The following MED13L variants were observed in gnomAD, a reference collection of about 807,000 sequenced individuals.
MED13L encodes the protein mediator complex subunit 13L.
Under a neutral mutation model 220.9 loss-of-function variants are expected in MED13L, and 7 were observed. The ratio of observed to expected loss-of-function variants is 0.03; its 90% CI spans 0.02 to 0.06. MED13L has a LOEUF of 0.06. Among genes scored for constraint, MED13L ranks in the 10% least tolerant of loss-of-function variants. MED13L has a pLI of 1.00. For synonymous variants in MED13L, 1,011 were observed against 1,015.2 expected, an observed-to-expected ratio of 1.00 and a Z score of 0.08; for missense variants, 1,965 against 2,760.5, an observed-to-expected ratio of 0.71 and a Z score of 6.46.
Position 116,066,757 on chromosome 12 carries a change from A to T in MED13L, c.479+29912T>A, listed in dbSNP as rs575887988. Among the ~76,000 whole-genome samples the T allele has an allele frequency of 5.3e-5, 8 of 151,630 alleles. No individual in the cohort carries two copies. The South Asian group carries it at 1.0e-3, about 20-fold the overall frequency. ...GTGAATTTTCAACTTTCAAAATTGT[A>T]TTAAAAAAAAAAAAAACTCTAGAGC... On this transcript the variant is annotated intron_variant, in intron 4 of 30. Transcript: ENST00000281928.
At chr12:116,227,429 T>C (rs1593185736) in intron 2 of MED13L, among the ~76,000 whole-genome samples, 1 of 152,238 alleles carries the variant, frequency 6.6e-6, no homozygotes, top group South Asian at 2.1e-4. Context: ...GTAGCAACCC[T>C]GTGTCGAGCA....
At chr12:116,256,256 T>C (rs1447265261) in intron 1 of MED13L, among the ~76,000 whole-genome samples, 7 of 151,108 alleles carry the variant, frequency 4.6e-5, no homozygotes, top group Non-Finnish European at 8.8e-5. Flanking sequence ...CAACAGCAAA[T>C]TGTGGCATAT....
intron 2 of MED13L, among the ~76,000 whole-genome samples, chr12:116,214,532 C>T (rs1882886905): frequency 6.6e-6 from 1 of 152,096 alleles, no homozygotes; most frequent in Non-Finnish European, 1.5e-5. Context: ...AATTTTAATA[C>T]TATATTTATA....
At position 115,961,362 on chromosome 12, in the gene MED13L, G is replaced by A; in HGVS notation, c.6537C>T (p.Leu2179=). ...GGTCCTGGGTGGCCGGATTGCACGT[G>A]AGCCAGGACAGAGCGTTGTACTGCT... The part of the protein sequence containing the change: ...VLEQYNALSW[L]TCNPATQDRT... Residue 2179 remains leucine (L), a synonymous_variant, in exon 31 of 31, where the codon CTC becomes CTT. Coordinates refer to ENST00000281928, the MANE Select transcript of MED13L (RefSeq NM_015335.5). 1 of 1,614,070 alleles carries A rather than the reference G, an allele frequency of 6.2e-7. No individual in the cohort carries two copies. The highest frequency in any genetic ancestry group is 2.2e-5 in the East Asian group (1 of 44,876).
At chr12:116,036,978 A>G (rs916006394) in intron 4 of MED13L, among the ~76,000 whole-genome samples, 7 of 152,184 alleles carry the variant, frequency 4.6e-5, no homozygotes, top group African/African-American at 9.7e-5. Flanking sequence ...TCTTTCAACT[A>G]TAAGTTAAAC....
chr12:116,116,861 G>A (rs575463536), intron 2 of MED13L, among the ~76,000 whole-genome samples: 57 of 150,618 alleles, frequency 3.8e-4, no homozygotes, highest in African/African-American at 1.3e-3. Context: ...TGTGTTGTGA[G>A]AGTACATGAG....
rs550904010 is a variant in MED13L at position 116,089,856 on chromosome 12, A to AT, written c.479+6812dup. ...TGGAAACAACCTTCCAGGCATATTCATTTTTACACTTTCTCTAAATTCTAA... is the reference window on the plus strand; with the variant it reads ...TGGAAACAACCTTCCAGGCATATTCATTTTTTACACTTTCTCTAAATTCTAA... On this transcript the variant is annotated intron_variant, in intron 4 of 30. Transcript: ENST00000281928. 3.3e-4 allele frequency among the ~76,000 whole-genome samples: 50 copies of AT among 152,342 alleles called. No homozygotes were observed. The East Asian group carries it at 4.6e-3, about 14-fold the overall frequency.
chr12:116,190,161 A>G (rs1018821273), intron 2 of MED13L, among the ~76,000 whole-genome samples: 1 of 152,162 alleles, frequency 6.6e-6, no homozygotes. Flanking sequence ...TCAGTTTTTC[A>G]CCATTAAGAA....
At chr12:116,271,143 A>T (rs565962600) in intron 1 of MED13L, among the ~76,000 whole-genome samples, 1 of 151,858 alleles carries the variant, frequency 6.6e-6, no homozygotes, top group African/African-American at 2.4e-5. Context: ...AAATTCCAAG[A>T]ACACATACAA....
At chr12:116,138,385 G>A (rs1488956404) in intron 2 of MED13L, among the ~76,000 whole-genome samples, 1 of 152,204 alleles carries the variant, frequency 6.6e-6, no homozygotes, top group African/African-American at 2.4e-5. Context: ...GGGAAGGGTG[G>A]TAACAACATT....
chr12:115,975,007 A>G (rs1416660546), intron 25 of MED13L, among the ~76,000 whole-genome samples, 164 bp downstream of exon 25: 1 of 152,226 alleles, frequency 6.6e-6, no homozygotes, highest in Non-Finnish European at 1.5e-5. Flanking sequence ...TTTGTTGCCA[A>G]AGAAGAGTTT....
intron 2 of MED13L, among the ~76,000 whole-genome samples, chr12:116,175,812 C>A (rs1328753569): frequency 6.6e-6 from 1 of 152,030 alleles, no homozygotes. Flanking sequence ...AGAAATGATG[C>A]CGTTAAACCT....
chr12:116,259,609 C>T (rs937732904), intron 1 of MED13L, among the ~76,000 whole-genome samples: 1 of 152,116 alleles, frequency 6.6e-6, no homozygotes, highest in African/African-American at 2.4e-5. Flanking sequence ...TCTTAAACTG[C>T]GTATTAGGTA....
chr12:116,196,506 T>C (rs1443823079), intron 2 of MED13L, among the ~76,000 whole-genome samples: 1 of 152,084 alleles, frequency 6.6e-6, no homozygotes, highest in Non-Finnish European at 1.5e-5. Context: ...TCCAAAACGG[T>C]GGCAATAAAA....
intron 2 of MED13L, chr12:116,230,429 T>A (rs1317051056): frequency 1.0e-6 from 1 of 958,920 alleles, no homozygotes; most frequent in Non-Finnish European, 1.2e-6. Context: ...AAAATGAAAC[T>A]TACTTTTCAG....
intron 29 of MED13L, among the ~76,000 whole-genome samples, chr12:115,964,020 G>A (rs951340908): frequency 2.0e-5 from 3 of 152,146 alleles, no homozygotes; most frequent in African/African-American, 7.2e-5. Flanking sequence ...CTGGGAGGAT[G>A]AGGATGCAGT....
intron 1 of MED13L, among the ~76,000 whole-genome samples, chr12:116,270,554 A>C (rs1371048865): frequency 1.3e-5 from 2 of 152,218 alleles, no homozygotes; most frequent in Non-Finnish European, 2.9e-5. Flanking sequence ...ACATGACTTC[A>C]TACTAAACAA....
chr12:116,231,821 T>C (rs911443401), intron 2 of MED13L, among the ~76,000 whole-genome samples: 4 of 152,132 alleles, frequency 2.6e-5, no homozygotes, highest in Non-Finnish European at 2.9e-5. Flanking sequence ...AAGAGGCATA[T>C]GCATATAAGT....
chr12:116,200,343 A>C (rs1881933556), intron 2 of MED13L, among the ~76,000 whole-genome samples: 1 of 152,170 alleles, frequency 6.6e-6, no homozygotes, highest in Non-Finnish European at 1.5e-5. Context: ...TACTATAGCC[A>C]CCTTTCTCAT....
Sources: gnomAD v4.1 joint callset for allele counts (sites outside exome capture counted in the v4.1 genomes callset) on GRCh38, gnomAD v4.1.1 for gene constraint, MANE v1.5 for transcripts, NCBI Gene and HGNC (gene_info 2026-07-23, HGNC 2026-07-21) for gene names.